The following RBFOX1 variants were observed in gnomAD, a reference collection of about 807,000 sequenced individuals.
RBFOX1 encodes RNA binding protein fox-1 homolog 1.
A neutral mutation model predicts 57.7 loss-of-function variants in RBFOX1; 8 were observed. That is an observed-to-expected ratio of 0.14 (90% confidence interval 0.08 to 0.25). The LOEUF (loss-of-function observed/expected upper bound fraction) is 0.25, where lower values mean the gene tolerates loss of function less well. Among genes scored for constraint, RBFOX1 ranks in the 10% least tolerant of loss-of-function variants. RBFOX1 has a pLI of 1.00. For missense variants in RBFOX1, 611 were observed against 548.5 expected (o/e 1.11, Z -1.14); for synonymous variants, 326 against 222.4 (o/e 1.47, Z -4.15).
intron 4 of RBFOX1, among the ~76,000 whole-genome samples, chr16:7,460,389 A>ATGTGTGTGTG (rs1235047786): frequency 5.7e-5 from 5 of 87,198 alleles, no homozygotes; most frequent in African/African-American, 6.5e-5. Context: ...ATATATATAT[A>ATGTGTGTGTG]TGTGTGTGTG....
intron 3 of RBFOX1, among the ~76,000 whole-genome samples, chr16:6,816,935 T>C (rs933515653): frequency 6.6e-6 from 1 of 151,964 alleles, no homozygotes; most frequent in African/African-American, 2.4e-5. Context: ...TTTGGAGAGA[T>C]GGGGTCTTAA....
intron 3 of RBFOX1, among the ~76,000 whole-genome samples, chr16:6,758,297 G>A (rs1461207607): frequency 1.3e-5 from 2 of 151,950 alleles, no homozygotes; most frequent in Admixed American, 6.6e-5. Context: ...AGTGTAAAAT[G>A]TCCCAATAAA....
At chr16:6,559,815 C>A (rs765776668) in intron 2 of RBFOX1, among the ~76,000 whole-genome samples, 1 of 152,052 alleles carries the variant, frequency 6.6e-6, no homozygotes, top group Non-Finnish European at 1.5e-5. Flanking sequence ...GGTGTAAAGA[C>A]GACAAACTGA....
Position 7,464,654 on chromosome 16 carries a change from C to T in RBFOX1, c.28-53493C>T, listed in dbSNP as rs540360549. 2.6e-5 allele frequency among the ~76,000 whole-genome samples: 4 copies of T among 151,690 alleles called. No individual in the cohort carries two copies. The South Asian group carries it at 8.4e-4, about 32-fold the overall frequency. ...TCTCTAGGCTTTTAATTGGATCCCC[C>T]CTCCCCGCCCGAAATACTTCTTGTA... On this transcript the variant is annotated intron_variant, in intron 4 of 15. Transcript: ENST00000550418.
At chr16:6,104,078 A>C (rs113037431) in intron 1 of RBFOX1, among the ~76,000 whole-genome samples, 4,596 of 152,092 alleles carry the variant, frequency 0.03, 233 homozygotes, top group African/African-American at 0.1. Context: ...TCTATCCTGA[A>C]TAGCAACAGT....
intron 2 of RBFOX1, among the ~76,000 whole-genome samples, chr16:6,565,775 T>G (rs1374266951): frequency 1.3e-5 from 2 of 152,240 alleles, no homozygotes; most frequent in African/African-American, 4.8e-5. Context: ...GCTCACTTTT[T>G]CTTTAATTTT....
intron 1 of RBFOX1, among the ~76,000 whole-genome samples, chr16:6,209,268 G>A (rs2097276266): frequency 6.6e-6 from 1 of 152,130 alleles, no homozygotes; most frequent in African/African-American, 2.4e-5. Context: ...CACGTTTTGT[G>A]GAATTAACCT....
In RBFOX1 at chr16:5,947,731, G is replaced by T. The variant is rs1207883386; in HGVS notation, c.351+80396G>T. On this transcript the variant is annotated intron_variant, in intron 4 of 19. Transcript: ENST00000641259. The surrounding 1 kb of genome is among the most constrained non-coding windows in gnomAD (Gnocchi z 7.2). ...GGGATTTCTGCACCCTTTTTACTATGTCCAGGAACATTCTTAAGGGGGTGT... is the reference window on the plus strand; with the variant it reads ...GGGATTTCTGCACCCTTTTTACTATTTCCAGGAACATTCTTAAGGGGGTGT... Among the ~76,000 whole-genome samples the T allele has an allele frequency of 1.3e-5, 2 of 152,102 alleles. No individual in the cohort carries two copies. The highest frequency in any genetic ancestry group is 4.8e-5 in the African/African-American group (2 of 41,418).
chr16:7,198,273 G>C (rs1226600980), intron 4 of RBFOX1, among the ~76,000 whole-genome samples: 1 of 152,184 alleles, frequency 6.6e-6, no homozygotes, highest in South Asian at 2.1e-4. Flanking sequence ...CCAAAGTCCT[G>C]GGATTACAGG....
At chr16:6,449,288 C>T (rs188763684) in intron 2 of RBFOX1, among the ~76,000 whole-genome samples, 3 of 152,154 alleles carry the variant, frequency 2.0e-5, no homozygotes, top group Admixed American at 2.0e-4. Context: ...CATGCTTGCT[C>T]GTTTCTCATG....
chr16:5,470,517 C>G (rs2069100542), intron 2 of RBFOX1, among the ~76,000 whole-genome samples: 1 of 152,196 alleles, frequency 6.6e-6, no homozygotes, highest in Non-Finnish European at 1.5e-5. Flanking sequence ...ATCTCTCTCC[C>G]TCTACCTTTC....
intron 2 of RBFOX1, among the ~76,000 whole-genome samples, chr16:6,581,593 A>T (rs2097538342): frequency 6.6e-6 from 1 of 152,174 alleles, no homozygotes; most frequent in Non-Finnish European, 1.5e-5. Flanking sequence ...TATCGATCTC[A>T]TGTCAGTCAT....
At chr16:7,262,780 G>A (rs528439838) in intron 4 of RBFOX1, among the ~76,000 whole-genome samples, 1 of 152,276 alleles carries the variant, frequency 6.6e-6, no homozygotes, top group Non-Finnish European at 1.5e-5. Context: ...AAAGGCAGTT[G>A]TAAGCTCAGG....
intron 3 of RBFOX1, among the ~76,000 whole-genome samples, chr16:6,882,349 C>T (rs1332046338): frequency 6.6e-6 from 1 of 152,114 alleles, no homozygotes; most frequent in Non-Finnish European, 1.5e-5. Context: ...TAGCAGTGAG[C>T]AGTATAATTA....
intron 2 of RBFOX1, among the ~76,000 whole-genome samples, chr16:6,522,362 C>G (rs1032326983): frequency 6.6e-6 from 1 of 152,102 alleles, no homozygotes; most frequent in Non-Finnish European, 1.5e-5. Flanking sequence ...TTACCACTTT[C>G]CCCTGTTGGA....
chr16:6,854,718 C>A (rs1305557103), intron 3 of RBFOX1, among the ~76,000 whole-genome samples: 1 of 150,872 alleles, frequency 6.6e-6, no homozygotes, highest in Admixed American at 6.6e-5. Context: ...CGTCAGCCTC[C>A]CGAGTAGCTG....
chr16:6,570,519 A>G (rs572242184), intron 2 of RBFOX1, among the ~76,000 whole-genome samples: 1 of 152,348 alleles, frequency 6.6e-6, no homozygotes, highest in South Asian at 2.1e-4. Flanking sequence ...ACACACATAC[A>G]TACACATATA....
intron 11 of RBFOX1, among the ~76,000 whole-genome samples, chr16:7,648,600 A>G (rs1357766789): frequency 1.3e-5 from 2 of 152,128 alleles, no homozygotes; most frequent in Admixed American, 6.5e-5. Flanking sequence ...AATTATCAAG[A>G]TTGTTATTTT....
chr16:7,565,810 A>C (rs1186939785), intron 5 of RBFOX1, among the ~76,000 whole-genome samples: 1 of 152,018 alleles, frequency 6.6e-6, no homozygotes, highest in Non-Finnish European at 1.5e-5. Context: ...TTGTGCATGG[A>C]GGGGAGGAAG....
Sources: allele counts gnomAD v4.1 joint callset (sites outside exome capture counted in the v4.1 genomes callset), GRCh38; gene constraint gnomAD v4.1.1; non-coding constraint Gnocchi (gnomAD v3.1); transcripts MANE v1.5; gene names NCBI Gene and HGNC (gene_info 2026-07-23, HGNC 2026-07-21).